DCLK3: variants seen among roughly 807,000 people sequenced by gnomAD.
DCLK3 encodes doublecortin like kinase 3.
DCLK3 carries 30 observed loss-of-function variants against 46.4 expected under a neutral mutation model. That is an observed-to-expected ratio of 0.65 (90% confidence interval 0.48 to 0.88). The LOEUF (loss-of-function observed/expected upper bound fraction) is 0.88. Among genes scored for constraint, DCLK3 ranks in the 40% least tolerant of loss-of-function variants. The pLI is 0.00. For synonymous variants in DCLK3, 401 were observed against 339.2 expected (o/e 1.18, Z -2.00); for missense variants, 846 against 907.1 (o/e 0.93, Z 0.87).
intron 3 of DCLK3, 96 bp downstream of exon 3, chr3:36,721,431 T>C (rs1331498446): frequency 6.8e-7 from 1 of 1,472,008 alleles, no homozygotes; most frequent in Non-Finnish European, 9.3e-7. Flanking sequence ...GTCAGTTCTC[T>C]GAGATTTATT....
At chr3:36,743,701 A>G (rs1231149523) in intron 1 of DCLK3, among the ~76,000 whole-genome samples, 1 of 152,214 alleles carries the variant, frequency 6.6e-6, no homozygotes, top group Non-Finnish European at 1.5e-5. Context: ...CTAACCCCAC[A>G]TATACAGAAG....
chr3:36,735,026 C>T (rs578025961), intron 2 of DCLK3, among the ~76,000 whole-genome samples: 1 of 152,318 alleles, frequency 6.6e-6, no homozygotes, highest in African/African-American at 2.4e-5. Context: ...ACTAAGCTAA[C>T]TGTCTCCAAA....
chr3:36,746,465 G>A (rs893282805), intron 1 of DCLK3, among the ~76,000 whole-genome samples: 6 of 152,138 alleles, frequency 3.9e-5, no homozygotes, highest in African/African-American at 1.4e-4. Context: ...CTGACCACAC[G>A]ATAATCCTCA....
chr3:36,745,598 C>A (rs1325709667), intron 1 of DCLK3, among the ~76,000 whole-genome samples: 2 of 152,212 alleles, frequency 1.3e-5, no homozygotes, highest in East Asian at 3.8e-4. Flanking sequence ...TTTTTATCAA[C>A]TTTTTATTTC....
chr3:36,737,386 A>G lies in DCLK3; in HGVS notation c.1781T>C (p.Met594Thr). ...VKLHEVYETD[M>T]EIYLILEYVQ... ...GTACTCCAGGATCAGGTAGATTTCC[A>G]TGTCTGTTTCGTAGACTTCATGCAA... The change falls in exon 2 of 5, where the codon ATG becomes ACG. Residue 594 changes from methionine to threonine, a missense_variant. Met to Thr is a moderately conservative substitution (Grantham distance 81). Coordinates refer to ENST00000636136, the MANE Select transcript of DCLK3 (RefSeq NM_001394672.2). The surrounding 1 kb of genome is among the most constrained non-coding windows in gnomAD (Gnocchi z 4.4). 3 of 1,614,162 alleles carry G rather than the reference A, an allele frequency of 1.9e-6. No individual in the cohort carries two copies. Among genetic ancestry groups the G allele is most frequent in the East Asian group, 4.5e-5 (2 of 44,870 alleles).
At chr3:36,725,990 T>A (rs1343908294) in intron 2 of DCLK3, among the ~76,000 whole-genome samples, 1 of 152,214 alleles carries the variant, frequency 6.6e-6, no homozygotes, top group Non-Finnish European at 1.5e-5. Flanking sequence ...ACAAGGGATT[T>A]GATACAAGAT....
At chr3:36,751,035 C>T (rs1258490694) in intron 1 of DCLK3, among the ~76,000 whole-genome samples, 1 of 136,896 alleles carries the variant, frequency 7.3e-6, no homozygotes, top group African/African-American at 2.7e-5. Flanking sequence ...ATGAGCTTTT[C>T]CCTGATATCC....
intron 1 of DCLK3, among the ~76,000 whole-genome samples, chr3:36,741,702 G>A (rs1701346655): frequency 6.6e-6 from 1 of 152,164 alleles, no homozygotes; most frequent in Non-Finnish European, 1.5e-5. Context: ...CACAGATGAA[G>A]GTAAGACTCA....
rs989916826 is a variant in DCLK3, at chr3:36,726,579, T to C, written c.1960-4920A>G. Among the ~76,000 whole-genome samples the C allele has an allele frequency of 5.9e-5, 9 of 152,078 alleles. No individual in the cohort carries two copies. In the East Asian group the frequency reaches 1.7e-3, roughly 30 times the overall value. ...ATGGGCAACACCTAGAATGGCAGGG[T>C]GGAGCGGCCTTTCCCCTGTCTCTCC... On this transcript the variant is annotated intron_variant, in intron 2 of 4. Transcript: ENST00000636136.
chr3:36,742,725 G>C (rs1329221179), intron 1 of DCLK3, among the ~76,000 whole-genome samples: 2 of 152,132 alleles, frequency 1.3e-5, no homozygotes, highest in Admixed American at 1.3e-4. Flanking sequence ...CTCTTTTAAA[G>C]TAGTCTAGAG....
At position 36,712,973 on chromosome 3, in the gene DCLK3, G is replaced by C. The variant is rs1187942918; in HGVS notation, c.*2355C>G. The C allele has an allele frequency of 6.6e-6, 1 of 152,174 alleles. No individual in the cohort carries two copies. Among genetic ancestry groups the C allele is most frequent in the Non-Finnish European group, 1.5e-5 (1 of 68,038 alleles). The allele number at this position is 152,174 out of a possible 1,614,324, so 9.4% of individuals were successfully genotyped here. A position where few individuals can be genotyped will look rare whatever the true frequency, so the allele number is the denominator to read the frequency against. On this transcript the variant is annotated 3_prime_UTR_variant, in exon 5 of 5. Transcript: ENST00000636136. The stretch of plus-strand genomic sequence containing the variant: ...CTAGAAGTGGAATATCATATGGTAG[G>C]TACATGTTTAACTTTTAAAGGAACT...
intron 3 of DCLK3, among the ~76,000 whole-genome samples, chr3:36,720,423 T>C (rs1701040054): frequency 6.6e-6 from 1 of 152,124 alleles, no homozygotes; most frequent in Non-Finnish European, 1.5e-5. Context: ...TACCAACCAA[T>C]TGTGTTTCTC....
intron 2 of DCLK3, among the ~76,000 whole-genome samples, chr3:36,730,842 G>C (rs904965271): frequency 6.6e-6 from 1 of 151,898 alleles, no homozygotes; most frequent in African/African-American, 2.4e-5. Flanking sequence ...AGAAGGCAAG[G>C]GTGAGCCATA....
intron 1 of DCLK3, among the ~76,000 whole-genome samples, chr3:36,758,636 C>T (rs551179569): frequency 6.6e-4 from 100 of 152,316 alleles, no homozygotes; most frequent in African/African-American, 2.3e-3. Flanking sequence ...TCATGGCCTG[C>T]CAGTCTCCAG....
intron 3 of DCLK3, among the ~76,000 whole-genome samples, chr3:36,720,628 CCG>C (rs1051697511): frequency 4.9e-4 from 74 of 152,170 alleles, no homozygotes; most frequent in African/African-American, 1.8e-3. Context: ...CCTCAGCCTC[CCG>C]AGTAGCTCAG....
At chr3:36,716,189 G>A (rs1357520492) in intron 4 of DCLK3, among the ~76,000 whole-genome samples, 1 of 152,186 alleles carries the variant, frequency 6.6e-6, no homozygotes, top group Admixed American at 6.5e-5. Context: ...AAGCAGAAGA[G>A]ATTTCCCCCT....
intron 2 of DCLK3, among the ~76,000 whole-genome samples, chr3:36,729,269 C>G (rs1701166594): frequency 6.7e-6 from 1 of 148,644 alleles, no homozygotes; most frequent in Non-Finnish European, 1.5e-5. Context: ...GGTACAAAAG[C>G]CCCCTTTACA....
chr3:36,742,767 A>C (rs1368360431), intron 1 of DCLK3, among the ~76,000 whole-genome samples: 1 of 152,190 alleles, frequency 6.6e-6, no homozygotes, highest in Non-Finnish European at 1.5e-5. Flanking sequence ...TAAGAGGAAA[A>C]AAATAAGAAG....
chr3:36,754,695 C>G (rs1167284908), intron 1 of DCLK3, among the ~76,000 whole-genome samples: 1 of 152,196 alleles, frequency 6.6e-6, no homozygotes, highest in Non-Finnish European at 1.5e-5. Context: ...TCCTGTAACT[C>G]TGCACATGTT....
Sources: allele counts gnomAD v4.1 joint callset (sites outside exome capture counted in the v4.1 genomes callset), GRCh38; gene constraint gnomAD v4.1.1; non-coding constraint Gnocchi (gnomAD v3.1); transcripts MANE v1.5; gene names NCBI Gene and HGNC (gene_info 2026-07-23, HGNC 2026-07-21).